The following CNTN5 variants were observed in gnomAD, a reference collection of about 807,000 sequenced individuals.
CNTN5 encodes contactin-5.
A neutral mutation model predicts 129.1 loss-of-function variants in CNTN5; 77 were observed. The observed-to-expected ratio is 0.60, with a 90% CI of 0.50 to 0.72. The LOEUF is 0.72. CNTN5 is among the 30% of genes least tolerant of loss of function. The pLI, the probability that CNTN5 is intolerant of heterozygous loss-of-function variation, is 0.00. For synonymous variants in CNTN5, 509 were observed against 465.6 expected (o/e 1.09, Z -1.20); for missense variants, 1,478 against 1,328.8 (o/e 1.11, Z -1.75).
chr11:99,564,183 G>A (rs1948933404), intron 3 of CNTN5, among the ~76,000 whole-genome samples: 1 of 152,158 alleles, frequency 6.6e-6, no homozygotes, highest in Non-Finnish European at 1.5e-5. Flanking sequence ...CTGAGATCAA[G>A]TGATCTTCTC....
At position 99,558,304 on chromosome 11, in the gene CNTN5, G is replaced by T. The variant is rs569900660; in HGVS notation, c.55+2035G>T. The T allele has an allele frequency of 5.4e-4, 225 of 415,932 alleles. 2 individuals carry two copies. The highest frequency in any genetic ancestry group is 1.0e-3 in the Middle Eastern group (3 of 2,872). 25.8% of individuals were successfully genotyped at this position (415,932 alleles called of 1,614,324 possible). A position where few individuals can be genotyped will look rare whatever the true frequency, so the allele number is the denominator to read the frequency against. ...AACTTATAAGCCAACTGAAGGAGATGGAGGTAGGGTTGCAAGATGAAATAA... is the reference window on the plus strand; with the variant it reads ...AACTTATAAGCCAACTGAAGGAGATTGAGGTAGGGTTGCAAGATGAAATAA... On this transcript the variant is annotated intron_variant, in intron 3 of 24. Coordinates refer to ENST00000524871, the MANE Select transcript of CNTN5 (RefSeq NM_014361.4).
intron 13 of CNTN5, among the ~76,000 whole-genome samples, chr11:100,085,703 C>A (rs1365157447): frequency 6.6e-6 from 1 of 151,958 alleles, no homozygotes; most frequent in African/African-American, 2.4e-5. Flanking sequence ...ATAATATAAT[C>A]CTGATTATAA....
intron 21 of CNTN5, among the ~76,000 whole-genome samples, chr11:100,339,452 C>G (rs1470275274): frequency 6.6e-6 from 1 of 151,986 alleles, no homozygotes. Context: ...TCGCTTCTGA[C>G]TGATAGTGGG....
intron 3 of CNTN5, among the ~76,000 whole-genome samples, chr11:99,754,333 C>G (rs184510024): frequency 1.3e-5 from 2 of 152,182 alleles, no homozygotes; most frequent in Non-Finnish European, 2.9e-5. Context: ...ACTCCTCCAC[C>G]ATTTAGCTCA....
At chr11:99,490,593 T>C (rs992849673) in intron 2 of CNTN5, among the ~76,000 whole-genome samples, 2 of 152,032 alleles carry the variant, frequency 1.3e-5, no homozygotes, top group Non-Finnish European at 2.9e-5. Flanking sequence ...GTGATCCCAG[T>C]GAGTAGAAGT....
intron 3 of CNTN5, among the ~76,000 whole-genome samples, chr11:99,701,204 CAACAGAT>C (rs1396761174): frequency 2.0e-5 from 3 of 151,024 alleles, no homozygotes; most frequent in African/African-American, 7.3e-5. Context: ...ATCAGCCAAA[CAACAGAT>C]AAAGAATGCA....
rs936789162 is a variant in CNTN5, at chr11:100,181,827, C to G, written c.1581-9299C>G. 2.6e-4 allele frequency among the ~76,000 whole-genome samples: 40 copies of G among 151,708 alleles called. 1 individual carries two copies. The highest frequency in any genetic ancestry group is 5.0e-4 in the Non-Finnish European group (34 of 67,868). Reference sequence around the variant, plus strand: ...AAAAAGATGTCTAAGATCTATAGACCAATAACTATAAAACATTGCTTAGAG... The same window carrying G: ...AAAAAGATGTCTAAGATCTATAGACGAATAACTATAAAACATTGCTTAGAG... On this transcript the variant is annotated intron_variant, in intron 13 of 24. Transcript: ENST00000524871.
intron 4 of CNTN5, among the ~76,000 whole-genome samples, chr11:99,826,039 T>A (rs1946945831): frequency 2.0e-5 from 3 of 152,268 alleles, no homozygotes; most frequent in Admixed American, 1.3e-4. Context: ...TTTAAGGAAG[T>A]CCATTCCTGA....
intron 4 of CNTN5, among the ~76,000 whole-genome samples, chr11:99,823,030 C>A (rs1001432528): frequency 1.3e-5 from 2 of 152,174 alleles, no homozygotes; most frequent in African/African-American, 4.8e-5. Flanking sequence ...CAGTTCAACA[C>A]CCCTAAGGAA....
At chr11:100,165,237 G>A (rs1947590979) in intron 13 of CNTN5, among the ~76,000 whole-genome samples, 1 of 151,786 alleles carries the variant, frequency 6.6e-6, no homozygotes, top group South Asian at 2.1e-4. Context: ...TATGGTTGAA[G>A]GACAATAAAA....
Position 100,332,008 on chromosome 11 carries a change from C to CA in CNTN5, c.2731-8448dup, listed in dbSNP as rs780688392. ...AGAGGAGAACTAAATAAAATTGAAA[C>CA]AAAAAAAGAAAAATACAAAAGATAA... is the stretch of plus-strand genomic sequence containing the variant. On this transcript the variant is annotated intron_variant, in intron 21 of 24. Transcript: ENST00000524871. Among the ~76,000 whole-genome samples the CA allele has an allele frequency of 1.9e-4, 28 of 151,196 alleles. 1 individual carries two copies. The highest frequency in any genetic ancestry group is 1.2e-3 in the East Asian group (6 of 5,150).
intron 21 of CNTN5, among the ~76,000 whole-genome samples, chr11:100,314,381 C>T (rs566076444): frequency 6.6e-6 from 1 of 152,116 alleles, no homozygotes; most frequent in South Asian, 2.1e-4. Flanking sequence ...ATGGTGTTTC[C>T]CTTGATGTAC....
intron 21 of CNTN5, among the ~76,000 whole-genome samples, chr11:100,314,907 AT>A (rs1319357600): frequency 6.6e-6 from 1 of 152,078 alleles, no homozygotes; most frequent in Non-Finnish European, 1.5e-5. Context: ...TTTGAATCTC[AT>A]TTATTATTTA....
intron 2 of CNTN5, among the ~76,000 whole-genome samples, chr11:99,436,081 A>G (rs1022603025): frequency 6.6e-6 from 1 of 152,142 alleles, no homozygotes; most frequent in African/African-American, 2.4e-5. Context: ...TTACAACGCT[A>G]CCAAAGATCT....
chr11:100,261,837 T>TA (rs1243238158), intron 17 of CNTN5, among the ~76,000 whole-genome samples: 1 of 152,066 alleles, frequency 6.6e-6, no homozygotes, highest in East Asian at 1.9e-4. Flanking sequence ...CCTAAAACCA[T>TA]AAAAACCCTG....
intron 3 of CNTN5, among the ~76,000 whole-genome samples, chr11:99,640,570 G>A (rs183326185): frequency 2.0e-5 from 3 of 152,220 alleles, no homozygotes; most frequent in African/African-American, 7.2e-5. Flanking sequence ...GATTTGAATG[G>A]GGACACAGCC....
intron 21 of CNTN5, among the ~76,000 whole-genome samples, chr11:100,310,580 T>A: frequency 6.6e-6 from 1 of 151,896 alleles, no homozygotes; most frequent in East Asian, 1.9e-4. Context: ...GCTTGTATTG[T>A]AGTAGGGAAG....
intron 8 of CNTN5, among the ~76,000 whole-genome samples, chr11:99,981,054 T>C (rs1490881501): frequency 1.8e-5 from 2 of 112,862 alleles, no homozygotes; most frequent in Admixed American, 2.1e-4. Flanking sequence ...AGTTAGGGTT[T>C]TATAGAGAGA....
chr11:99,368,453 A>G (rs1439540591), intron 2 of CNTN5, among the ~76,000 whole-genome samples: 1 of 151,844 alleles, frequency 6.6e-6, no homozygotes, highest in Non-Finnish European at 1.5e-5. Context: ...ACCAGCCTGG[A>G]CAACATAGTG....
Sources: gnomAD v4.1 joint callset for allele counts (sites outside exome capture counted in the v4.1 genomes callset) on GRCh38, gnomAD v4.1.1 for gene constraint, MANE v1.5 for transcripts, NCBI Gene and HGNC (gene_info 2026-07-23, HGNC 2026-07-21) for gene names.